FAR2: variants seen among roughly 807,000 people sequenced by gnomAD.
FAR2 encodes the protein fatty acyl-CoA reductase 2.
Under a neutral mutation model 56.0 loss-of-function variants are expected in FAR2, and 19 were observed. The ratio of observed to expected loss-of-function variants is 0.34; its 90% CI spans 0.24 to 0.50. The LOEUF (loss-of-function observed/expected upper bound fraction) is 0.50. Among genes scored for constraint, FAR2 ranks in the 20% least tolerant of loss-of-function variants. The pLI is 0.98. For missense variants in FAR2, 508 were observed against 642.2 expected (o/e 0.79, Z 2.26); for synonymous variants, 219 against 218.8 (o/e 1.00, Z -0.01).
chr12:29,179,005 G>C (rs1949966658), intron 1 of FAR2, among the ~76,000 whole-genome samples: 2 of 152,124 alleles, frequency 1.3e-5, no homozygotes, highest in South Asian at 4.1e-4. Context: ...TTGGCTGGTA[G>C]ATGGCCATCT....
chr12:29,175,629 G>A (rs537376409), intron 1 of FAR2, among the ~76,000 whole-genome samples: 131 of 152,262 alleles, frequency 8.6e-4, no homozygotes, highest in Middle Eastern at 6.8e-3. Flanking sequence ...TGATTGGTCC[G>A]TTTTACAGAG....
intron 1 of FAR2, among the ~76,000 whole-genome samples, chr12:29,175,778 T>C (rs985751856): frequency 1.3e-5 from 2 of 152,258 alleles, no homozygotes; most frequent in East Asian, 3.9e-4. Flanking sequence ...AGAGCGCTGA[T>C]TGGTGCATTT....
chr12:29,223,204 T>G (rs965988847), intron 1 of FAR2, among the ~76,000 whole-genome samples: 17 of 152,186 alleles, frequency 1.1e-4, no homozygotes, highest in African/African-American at 4.1e-4. Context: ...TTGTCTGAAG[T>G]TACTCAATTA....
chr12:29,150,769 C>T (rs1949675965), intron 1 of FAR2, among the ~76,000 whole-genome samples: 1 of 152,192 alleles, frequency 6.6e-6, no homozygotes, highest in Non-Finnish European at 1.5e-5. Context: ...TTACAGTACT[C>T]TTTTCCTAAT....
Position 29,204,318 on chromosome 12 carries a change from G to A in FAR2, c.-39+54911G>A, listed in dbSNP as rs555814531. On this transcript the variant is annotated intron_variant, in intron 1 of 11. Coordinates refer to ENST00000536681, the MANE Select transcript of FAR2 (RefSeq NM_001271783.2). ...ACACGGCCCCTGTCTTCACAGGGAT[G>A]ATATTCTAATGGGGTGATATCAAGA... 9.2e-4 allele frequency among the ~76,000 whole-genome samples: 140 copies of A among 152,138 alleles called. 1 individual carries two copies. Among genetic ancestry groups the A allele is most frequent in the Middle Eastern group, 3.4e-3 (1 of 294 alleles).
At chr12:29,189,405 A>G (rs1950079527) in intron 1 of FAR2, among the ~76,000 whole-genome samples, 1 of 152,014 alleles carries the variant, frequency 6.6e-6, no homozygotes, top group South Asian at 2.1e-4. Context: ...TTTTTTGAGC[A>G]CTATCTTACT....
At chr12:29,236,799 T>C (rs2136658885) in intron 1 of FAR2, among the ~76,000 whole-genome samples, 1 of 150,820 alleles carries the variant, frequency 6.6e-6, no homozygotes, top group East Asian at 1.9e-4. Context: ...GGCCTTAGTA[T>C]CTTGTTTGTG....
chr12:29,308,438 C>A (rs1949289328), intron 5 of FAR2, among the ~76,000 whole-genome samples: 1 of 151,992 alleles, frequency 6.6e-6, no homozygotes, highest in Non-Finnish European at 1.5e-5. Context: ...TTTGATGAGA[C>A]AATGTATGAG....
In FAR2 at chr12:29,189,353, T is replaced by C. The variant is rs114466364; in HGVS notation, c.-39+39946T>C. ...TTCCAGCTTTGGCTGGTGGGAGCTC[T>C]TTCAGGTTGGCTCCTATATTCCTTT... is the stretch of plus-strand genomic sequence containing the variant. On this transcript the variant is annotated intron_variant, in intron 1 of 11. Coordinates refer to ENST00000536681, the MANE Select transcript of FAR2 (RefSeq NM_001271783.2). Among the ~76,000 whole-genome samples, 263 of 152,334 alleles carry C rather than the reference T, an allele frequency of 1.7e-3. 2 individuals carry two copies. Among genetic ancestry groups the C allele is most frequent in the African/African-American group, 6.2e-3 (257 of 41,580 alleles).
At chr12:29,164,316 G>A (rs762776147) in intron 1 of FAR2, among the ~76,000 whole-genome samples, 6 of 152,138 alleles carry the variant, frequency 3.9e-5, no homozygotes, top group Non-Finnish European at 8.8e-5. Context: ...TACTTTTGCC[G>A]ACGCGGCTGC....
rs181012428 is a variant in FAR2 at position 29,212,524 on chromosome 12, A to C, written c.-38-57888A>C. Reference sequence around the variant, plus strand: ...GTCTTCTTTTCCTATCATTTGGCATAATTACTCATAATTTATATTCTATTC... The same window carrying C: ...GTCTTCTTTTCCTATCATTTGGCATCATTACTCATAATTTATATTCTATTC... On this transcript the variant is annotated intron_variant, in intron 1 of 11. Transcript: ENST00000536681. Among the ~76,000 whole-genome samples, 172 of 152,246 alleles carry C rather than the reference A, an allele frequency of 1.1e-3. 2 individuals are homozygous for C. The highest frequency in any genetic ancestry group is 2.0e-3 in the Non-Finnish European group (133 of 68,034).
chr12:29,186,302 G>T (rs1299887927), intron 1 of FAR2, among the ~76,000 whole-genome samples: 1 of 152,186 alleles, frequency 6.6e-6, no homozygotes, highest in African/African-American at 2.4e-5. Context: ...AGCTCTAGGA[G>T]ATCCTGTGTG....
chr12:29,198,284 C>G (rs1950157969), intron 1 of FAR2, among the ~76,000 whole-genome samples: 1 of 151,990 alleles, frequency 6.6e-6, no homozygotes, highest in Admixed American at 6.6e-5. Flanking sequence ...TGGAGTGCAG[C>G]CGGGCATGAT....
chr12:29,297,288 G>A (rs1320845835), intron 4 of FAR2, 88 bp downstream of exon 4: 4 of 1,291,136 alleles, frequency 3.1e-6, no homozygotes, highest in South Asian at 1.5e-5. Context: ...ATGAGATGAT[G>A]AAGTCAAACA....
intron 1 of FAR2, among the ~76,000 whole-genome samples, chr12:29,236,350 G>A (rs1591877569): frequency 1.3e-5 from 2 of 152,100 alleles, no homozygotes; most frequent in Non-Finnish European, 2.9e-5. Flanking sequence ...CCAAAGAAGG[G>A]GAACCAGGAT....
intron 10 of FAR2, among the ~76,000 whole-genome samples, chr12:29,327,730 T>A (rs1949671389): frequency 6.6e-6 from 1 of 152,218 alleles, no homozygotes; most frequent in Admixed American, 6.5e-5. Context: ...GATCCCTTCC[T>A]TACACCTTAT....
Position 29,333,873 on chromosome 12 carries a change from A to T in FAR2, c.*79A>T. ...CAAACTGTGATTCTCAAGATTAGAAAGTAACAAGGAATATGCCCAAACTGT... is the reference window on the plus strand; with the variant it reads ...CAAACTGTGATTCTCAAGATTAGAATGTAACAAGGAATATGCCCAAACTGT... On this transcript the variant is annotated 3_prime_UTR_variant, in exon 12 of 12. Transcript: ENST00000536681. 1 of 1,360,790 alleles carries T rather than the reference A, an allele frequency of 7.3e-7. No individual in the cohort carries two copies. The highest frequency in any genetic ancestry group is 1.0e-6 in the Non-Finnish European group (1 of 978,158). 84.3% of individuals were successfully genotyped at this position (1,360,790 alleles called of 1,614,324 possible).
intron 1 of FAR2, among the ~76,000 whole-genome samples, chr12:29,205,377 T>G (rs1947467868): frequency 6.6e-6 from 1 of 152,228 alleles, no homozygotes; most frequent in Non-Finnish European, 1.5e-5. Context: ...CTTGATGTGT[T>G]ATACCAAAAT....
intron 3 of FAR2, among the ~76,000 whole-genome samples, chr12:29,294,843 T>G (rs998601974): frequency 1.3e-5 from 2 of 152,150 alleles, no homozygotes; most frequent in African/African-American, 4.8e-5. Flanking sequence ...GTAAGAAGAG[T>G]GATGCAGATG....
Sources: gnomAD v4.1 joint callset for allele counts (sites outside exome capture counted in the v4.1 genomes callset) on GRCh38, gnomAD v4.1.1 for gene constraint, MANE v1.5 for transcripts, NCBI Gene and HGNC (gene_info 2026-07-23, HGNC 2026-07-21) for gene names.